Variants in CCDC146 observed in about 807,000 individuals in gnomAD.
The protein encoded by CCDC146 is coiled-coil domain-containing protein 146.
Under a neutral mutation model 119.3 loss-of-function variants are expected in CCDC146, and 92 were observed. That is an observed-to-expected ratio of 0.77 (90% CI 0.65 to 0.92). The LOEUF is 0.92. Among genes scored for constraint, CCDC146 ranks in the 40% least tolerant of loss-of-function variants. The probability of loss-of-function intolerance (pLI) is 0.00; values close to 1 mark genes in which losing one functional copy is unlikely to be tolerated. For missense variants in CCDC146, 1,000 were observed against 1,103.0 expected, an observed-to-expected ratio of 0.91 and a Z score of 1.32; for synonymous variants, 372 against 371.8, an observed-to-expected ratio of 1.00 and a Z score of -0.01.
chr7:77,156,457 GA>G (rs11369587), intron 1 of CCDC146, among the ~76,000 whole-genome samples: 80,914 of 148,618 alleles, frequency 0.54, 21,980 homozygotes, highest in African/African-American at 0.63. Context: ...TTCCTTTTAG[GA>G]AAAAAAAAAA....
At chr7:77,272,768 A>G (rs1042244345) in intron 9 of CCDC146, among the ~76,000 whole-genome samples, 2 of 152,202 alleles carry the variant, frequency 1.3e-5, no homozygotes, top group African/African-American at 4.8e-5. Context: ...CTAATAGGGC[A>G]ACAAAGACTT....
chr7:77,179,997 T>C (rs528106840), intron 2 of CCDC146, among the ~76,000 whole-genome samples: 2 of 152,312 alleles, frequency 1.3e-5, no homozygotes, highest in South Asian at 4.1e-4. Flanking sequence ...TGGTTCATGT[T>C]GTAGCATGTG....
intron 2 of CCDC146, among the ~76,000 whole-genome samples, chr7:77,203,336 A>C (rs944211976): frequency 6.6e-6 from 1 of 152,074 alleles, no homozygotes; most frequent in African/African-American, 2.4e-5. Flanking sequence ...GTGTAGTAGT[A>C]TTTCTGTTTT....
chr7:77,275,834 C>T (rs879518516), intron 11 of CCDC146, among the ~76,000 whole-genome samples: 3 of 152,132 alleles, frequency 2.0e-5, no homozygotes, highest in African/African-American at 4.8e-5. Flanking sequence ...ATTGTTTATT[C>T]CATATAAGGA....
chr7:77,245,819 A>G (rs1314378708), intron 4 of CCDC146, among the ~76,000 whole-genome samples: 1 of 152,140 alleles, frequency 6.6e-6, no homozygotes, highest in East Asian at 1.9e-4. Context: ...GTAGGTACTC[A>G]GGAGTAGTCA....
chr7:77,205,750 C>G (rs1413019832), intron 2 of CCDC146, among the ~76,000 whole-genome samples: 1 of 152,132 alleles, frequency 6.6e-6, no homozygotes, highest in African/African-American at 2.4e-5. Flanking sequence ...ACAGTCAGAC[C>G]CTGTCCCAAA....
intron 10 of CCDC146, 29 bp from the exon 11 acceptor site, chr7:77,274,453 A>C: frequency 7.4e-7 from 1 of 1,353,446 alleles, no homozygotes; most frequent in Non-Finnish European, 1.0e-6. Flanking sequence ...CAAATAACTT[A>C]TAATATTATC....
At chr7:77,247,244 T>G (rs759477321) in intron 4 of CCDC146, among the ~76,000 whole-genome samples, 8 of 152,188 alleles carry the variant, frequency 5.3e-5, no homozygotes, top group Non-Finnish European at 1.2e-4. Flanking sequence ...TTAAATGTCC[T>G]AAAGAATTAG....
intron 9 of CCDC146, among the ~76,000 whole-genome samples, chr7:77,272,698 C>G (rs1793547650): frequency 6.6e-6 from 1 of 152,200 alleles, no homozygotes; most frequent in Admixed American, 6.5e-5. Flanking sequence ...TCCCCATCAG[C>G]TGCCACATGT....
At chr7:77,199,551 T>A (rs1791944460) in intron 2 of CCDC146, 1 of 1,614,044 alleles carries the variant, frequency 6.2e-7, no homozygotes, top group Non-Finnish European at 8.5e-7. Flanking sequence ...GGTTTTGGAC[T>A]TCTTTGAACA....
At chr7:77,133,021 A>G (rs962914940) in intron 1 of CCDC146, among the ~76,000 whole-genome samples, 5 of 151,980 alleles carry the variant, frequency 3.3e-5, no homozygotes, top group African/African-American at 1.2e-4. Context: ...AAAATATAAA[A>G]TTAGCCGGGC....
chr7:77,169,276 C>T (rs1791382634), intron 2 of CCDC146, among the ~76,000 whole-genome samples: 1 of 152,148 alleles, frequency 6.6e-6, no homozygotes, highest in Non-Finnish European at 1.5e-5. Context: ...CTACTAGGAA[C>T]ACATGATGTT....
At position 77,287,572 on chromosome 7, in the gene CCDC146, A is replaced by T. The variant is rs761148076; in HGVS notation, c.2410A>T (p.Lys804Ter). ...GCKQDTLLLA[K>*]KMNGYQRRIK... ...CAAGCAGGACACACTGCTCTTAGCC[A>T]AGAAGGTAGGCCTGAGACCCTGCCT... The change falls in exon 17 of 19, where the codon AAG (lysine) becomes TAG (stop). Residue 804 changes from lysine (K) to a stop codon, truncating the protein, a stop_gained. Transcript: ENST00000285871. LOFTEE classifies it high-confidence loss of function. The T allele has an allele frequency of 1.2e-6, 2 of 1,613,252 alleles. No homozygotes were observed. The highest frequency in any genetic ancestry group is 1.7e-6 in the Non-Finnish European group (2 of 1,179,840).
chr7:77,171,770 A>T (rs1164535464), intron 2 of CCDC146, among the ~76,000 whole-genome samples: 1 of 152,246 alleles, frequency 6.6e-6, no homozygotes, highest in East Asian at 1.9e-4. Context: ...AAACAGTAAA[A>T]ATCACAACAA....
At chr7:77,270,607 A>G (rs1793492476) in intron 9 of CCDC146, among the ~76,000 whole-genome samples, 1 of 152,188 alleles carries the variant, frequency 6.6e-6, no homozygotes, top group Admixed American at 6.6e-5. Flanking sequence ...GTTTCCTTTC[A>G]AGAGAAACAC....
chr7:77,127,373 G>C (rs1282866211), intron 1 of CCDC146, among the ~76,000 whole-genome samples: 4 of 152,100 alleles, frequency 2.6e-5, no homozygotes, highest in Non-Finnish European at 5.9e-5. Context: ...AGGAGGGTGG[G>C]GCTCCTGACT....
intron 1 of CCDC146, among the ~76,000 whole-genome samples, chr7:77,135,480 CGA>C (rs895647262): frequency 6.8e-6 from 1 of 148,134 alleles, no homozygotes; most frequent in Admixed American, 6.7e-5. Flanking sequence ...AAAGAAAGAG[CGA>C]GAGAGAGAGC....
intron 2 of CCDC146, among the ~76,000 whole-genome samples, chr7:77,223,563 T>C (rs187348424): frequency 6.6e-6 from 1 of 152,200 alleles, no homozygotes; most frequent in African/African-American, 2.4e-5. Context: ...GCAGCTAGTT[T>C]TGTAAGGCAC....
Position 77,260,255 on chromosome 7 carries a change from T to C in CCDC146, c.986+19T>C. The C allele has an allele frequency of 1.3e-6, 2 of 1,542,762 alleles. No homozygotes were observed. The highest frequency in any genetic ancestry group is 8.8e-7 in the Non-Finnish European group (1 of 1,131,882). ...CTGAAAGGTTAGTTATATTTATGTA[T>C]GTTATGTTCTGTCATCTAAATTTTT... On this transcript the variant is annotated intron_variant, in intron 8 of 18. Coordinates refer to ENST00000285871, the MANE Select transcript of CCDC146 (RefSeq NM_020879.3).
Sources: gnomAD v4.1 joint callset for allele counts (sites outside exome capture counted in the v4.1 genomes callset) on GRCh38, gnomAD v4.1.1 for gene constraint, MANE v1.5 for transcripts, NCBI Gene and HGNC (gene_info 2026-07-23, HGNC 2026-07-21) for gene names.